ARMC8: variants seen among roughly 807,000 people sequenced by gnomAD.
ARMC8 encodes armadillo repeat containing 8.
In ARMC8, 20 loss-of-function variants were observed where a neutral mutation model predicts 99.3. That is an observed-to-expected ratio of 0.20 (90% CI 0.14 to 0.29). The LOEUF is 0.29. Among genes scored for constraint, ARMC8 ranks in the 10% least tolerant of loss-of-function variants. The pLI is 1.00. For missense variants in ARMC8, 569 were observed against 809.5 expected (o/e 0.70, Z 3.60); for synonymous variants, 263 against 278.3 (o/e 0.95, Z 0.55).
At chr3:138,251,500 G>A (rs531693487) in intron 12 of ARMC8, among the ~76,000 whole-genome samples, 5 of 152,234 alleles carry the variant, frequency 3.3e-5, no homozygotes, top group African/African-American at 1.2e-4. Context: ...AAATTCATTC[G>A]GATTTCATAA....
Position 138,223,558 on chromosome 3 carries a change from A to C in ARMC8, c.337+27A>C, listed in dbSNP as rs114165357. ...TATGTAGGGAAGCCATTTTTGCTCAATTAAGGTTAAGAATCAGTTTGCAGT... is the reference window on the plus strand; with the variant it reads ...TATGTAGGGAAGCCATTTTTGCTCACTTAAGGTTAAGAATCAGTTTGCAGT... On this transcript the variant is annotated intron_variant, in intron 4 of 21. Transcript: ENST00000469044. The C allele has an allele frequency of 2.5e-3, 3,978 of 1,614,036 alleles. 25 individuals carry two copies. The highest frequency in any genetic ancestry group is 0.013 in the Middle Eastern group (81 of 6,062).
Position 138,194,279 on chromosome 3 carries a change from G to A in ARMC8, c.45+6680G>A, listed in dbSNP as rs192128219. ...AGTATGGTCTCGATCTCCTGACCTC[G>A]TGATCCGCCCGCCGCGGCCTCCCAA... On this transcript the variant is annotated intron_variant, in intron 1 of 21. Transcript: ENST00000469044. 2.4e-3 allele frequency among the ~76,000 whole-genome samples: 363 copies of A among 150,576 alleles called. 4 individuals carry two copies. Among genetic ancestry groups the A allele is most frequent in the East Asian group, 2.0e-3 (10 of 5,052 alleles).
intron 5 of ARMC8, among the ~76,000 whole-genome samples, chr3:138,224,801 A>G (rs921799439): frequency 1.3e-5 from 2 of 152,230 alleles, no homozygotes; most frequent in Non-Finnish European, 2.9e-5. Context: ...AAAGTATTTG[A>G]GTTCTTTCTT....
At chr3:138,246,696 T>G in intron 12 of ARMC8, 4 of 983,214 alleles carry the variant, frequency 4.1e-6, no homozygotes, top group Non-Finnish European at 4.8e-6. Flanking sequence ...TGTACTTTTT[T>G]GTTAATAAAC....
intron 1 of ARMC8, among the ~76,000 whole-genome samples, chr3:138,201,436 CTTTTTTTTTTTTTTTTTTTTTTTTTTTTT>C (rs58707271): frequency 1.5e-4 from 10 of 64,932 alleles, no homozygotes; most frequent in East Asian, 4.7e-4. Context: ...CTTCCCCTCC[CTTTTTTTTTTTTTTTTTTTTTTTTTTTTT>C]TTTTTTTTTT....
At chr3:138,264,085 A>T in intron 13 of ARMC8, 46 bp from the exon 14 acceptor site, 1 of 1,551,404 alleles carries the variant, frequency 6.4e-7, no homozygotes, top group Non-Finnish European at 8.9e-7. Context: ...TTTGAAAAGT[A>T]AAAGTTTTGA....
chr3:138,199,557 G>A (rs889704375), intron 1 of ARMC8, among the ~76,000 whole-genome samples: 6 of 152,150 alleles, frequency 3.9e-5, no homozygotes, highest in African/African-American at 1.4e-4. Flanking sequence ...TTGTCTAATA[G>A]TGAAATTAAC....
At chr3:138,235,155 TTG>T in intron 7 of ARMC8, 41 bp downstream of exon 7, 1 of 1,377,422 alleles carries the variant, frequency 7.3e-7, no homozygotes, top group Non-Finnish European at 1.0e-6. Flanking sequence ...TATACCTTGT[TTG>T]TGATTTCTAG....
At chr3:138,280,923 C>A (rs1420837939) in intron 18 of ARMC8, among the ~76,000 whole-genome samples, 1 of 152,246 alleles carries the variant, frequency 6.6e-6, no homozygotes, top group Non-Finnish European at 1.5e-5. Flanking sequence ...CCACCGCACC[C>A]AGCCTGTTCT....
At chr3:138,246,777 G>A (rs1346060363) in intron 12 of ARMC8, 5 of 984,640 alleles carry the variant, frequency 5.1e-6, no homozygotes, top group Non-Finnish European at 6.0e-6. Flanking sequence ...AGTCTAATCA[G>A]TAGTCTATTA....
intron 15 of ARMC8, among the ~76,000 whole-genome samples, chr3:138,268,789 T>TAA (rs200483217): frequency 2.0e-5 from 3 of 148,606 alleles, no homozygotes; most frequent in Non-Finnish European, 3.0e-5. Context: ...AAATTAAAAT[T>TAA]AAAAAAAAAA....
chr3:138,295,919 C>T lies in ARMC8; in HGVS notation c.*27C>T. 1 of 1,611,316 alleles carries T rather than the reference C, an allele frequency of 6.2e-7. No homozygotes were observed. Among genetic ancestry groups the T allele is most frequent in the Non-Finnish European group, 8.5e-7 (1 of 1,178,420 alleles). ...GGGAGTGCCCCTGGGCACCTGCGAG[C>T]ATCCCACCTCCTTGTTTAAGGAAGT... On this transcript the variant is annotated 3_prime_UTR_variant, in exon 22 of 22. Coordinates refer to ENST00000469044, the MANE Select transcript of ARMC8 (RefSeq NM_001363941.2).
chr3:138,187,765 C>T (rs1056507729), intron 1 of ARMC8, 166 bp downstream of exon 1: 44 of 712,650 alleles, frequency 6.2e-5, no homozygotes, highest in Non-Finnish European at 9.6e-5. Flanking sequence ...GATAGACGGG[C>T]AGAGGGGACC....
At chr3:138,277,379 C>A (rs545472115) in intron 18 of ARMC8, among the ~76,000 whole-genome samples, 1 of 152,272 alleles carries the variant, frequency 6.6e-6, no homozygotes, top group South Asian at 2.1e-4. Flanking sequence ...TTAAAACATT[C>A]AGAAAAGAAG....
At chr3:138,225,142 C>T (rs1255097572) in intron 5 of ARMC8, among the ~76,000 whole-genome samples, 2 of 128,686 alleles carry the variant, frequency 1.6e-5, no homozygotes, top group Non-Finnish European at 3.1e-5. Flanking sequence ...GACGGTGTCT[C>T]TCTCACCGAG....
intron 2 of ARMC8, among the ~76,000 whole-genome samples, chr3:138,212,424 C>G (rs2044751479): frequency 6.6e-6 from 1 of 151,640 alleles, no homozygotes; most frequent in Admixed American, 6.6e-5. Context: ...ATTCTCCTGC[C>G]TCAGCCTCCC....
intron 16 of ARMC8, 37 bp from the exon 17 acceptor site, chr3:138,272,930 G>T: frequency 6.9e-7 from 1 of 1,440,374 alleles, no homozygotes; most frequent in South Asian, 1.6e-5. Flanking sequence ...TAAAGTAAAT[G>T]TAGACATGAT....
chr3:138,197,804 C>CGAA (rs2043825526), intron 1 of ARMC8, among the ~76,000 whole-genome samples: 1 of 152,160 alleles, frequency 6.6e-6, no homozygotes, highest in African/African-American at 2.4e-5. Context: ...TTTAAGCATT[C>CGAA]TCATCTACAG....
At chr3:138,254,091 T>G (rs1315853989) in intron 12 of ARMC8, among the ~76,000 whole-genome samples, 2 of 152,246 alleles carry the variant, frequency 1.3e-5, no homozygotes, top group African/African-American at 4.8e-5. Flanking sequence ...AATGTTTTTC[T>G]AAGGACACTG....
Sources: allele counts gnomAD v4.1 joint callset (sites outside exome capture counted in the v4.1 genomes callset), GRCh38; gene constraint gnomAD v4.1.1; transcripts MANE v1.5; gene names NCBI Gene and HGNC (gene_info 2026-07-23, HGNC 2026-07-21).